Variants in CHSY3 observed in about 807,000 individuals in gnomAD.
The protein encoded by CHSY3 is chondroitin sulfate synthase 3.
Under a neutral mutation model 67.2 loss-of-function variants are expected in CHSY3, and 35 were observed. The ratio of observed to expected loss-of-function variants is 0.52; its 90% CI spans 0.40 to 0.69. The LOEUF is 0.69. CHSY3 is among the 30% of genes least tolerant of loss of function. CHSY3 has a pLI of 0.00. For missense variants in CHSY3, 1,069 were observed against 1,138.5 expected (o/e 0.94, Z 0.88); for synonymous variants, 474 against 434.7 (o/e 1.09, Z -1.12).
At chr5:130,130,238 G>A (rs1370769712) in intron 2 of CHSY3, among the ~76,000 whole-genome samples, 2 of 151,948 alleles carry the variant, frequency 1.3e-5, no homozygotes, top group Non-Finnish European at 2.9e-5. Flanking sequence ...TTTCTTCCCT[G>A]ACATCAGATG....
rs143556917 is a variant in CHSY3, at chr5:130,151,477, G to A, written c.1087-32752G>A. 9.8e-3 allele frequency among the ~76,000 whole-genome samples: 1,493 copies of A among 152,292 alleles called. 30 individuals are homozygous for A. Among genetic ancestry groups the A allele is most frequent in the African/African-American group, 0.034 (1,420 of 41,562 alleles). ...GCAAATAGTTATTGACTGTGTGCCA[G>A]GTGCTAATCTCAGTGCTGGGAACGT... On this transcript the variant is annotated intron_variant, in intron 2 of 2. Transcript: ENST00000305031.
At chr5:130,104,700 G>A (rs1445639853) in intron 2 of CHSY3, among the ~76,000 whole-genome samples, 1 of 151,686 alleles carries the variant, frequency 6.6e-6, no homozygotes, top group East Asian at 1.9e-4. Context: ...ACTTGTTAAT[G>A]TTTCGACTTG....
chr5:129,907,991 A>G lies in CHSY3; in HGVS notation c.803-86A>G, dbSNP rs1292258521. 9 of 1,511,064 alleles carry G rather than the reference A, an allele frequency of 6.0e-6. No individual in the cohort carries two copies. The East Asian group carries it at 6.9e-5, about 12-fold the overall frequency. The allele number at this position is 1,511,064 out of a possible 1,614,324, so 93.6% of individuals were successfully genotyped here. A position where few individuals can be genotyped will look rare whatever the true frequency, so the allele number is the denominator to read the frequency against. On this transcript the variant is annotated intron_variant, in intron 1 of 2. Transcript: ENST00000305031. ...TGTAAGACTGAGGATTTTAAGCACAATGTTGAAAGTTCTGTCCCTTACCTT... is the reference window on the plus strand; with the variant it reads ...TGTAAGACTGAGGATTTTAAGCACAGTGTTGAAAGTTCTGTCCCTTACCTT...
At chr5:130,103,748 T>G (rs1015516889) in intron 2 of CHSY3, among the ~76,000 whole-genome samples, 3 of 152,034 alleles carry the variant, frequency 2.0e-5, no homozygotes, top group Non-Finnish European at 2.9e-5. Flanking sequence ...TATATAAGTT[T>G]ACCTGAGAGC....
chr5:130,185,179 C>T lies in CHSY3; in HGVS notation c.2037C>T (p.Asn679=). The change falls in exon 3 of 3, where the codon AAC becomes AAT. Residue 679 remains asparagine, a synonymous_variant. Transcript: ENST00000305031. The part of the protein sequence containing the change: ...KHIELIKGYQ[N]KYPKAEMTLI... ...TTGAGCTGATAAAAGGGTACCAGAA[C>T]AAGTACCCCAAAGCAGAAATGACCC... 1 of 1,611,152 alleles carries T rather than the reference C, an allele frequency of 6.2e-7. No individual in the cohort carries two copies.
intron 2 of CHSY3, chr5:129,975,051 G>A (rs1309500693): frequency 3.9e-5 from 6 of 151,940 alleles, no homozygotes; most frequent in Non-Finnish European, 8.8e-5. Context: ...ACAGGAAGGG[G>A]AACATCACAC....
intron 2 of CHSY3, among the ~76,000 whole-genome samples, chr5:130,070,695 T>C (rs1172168006): frequency 1.3e-5 from 2 of 152,100 alleles, no homozygotes; most frequent in African/African-American, 2.4e-5. Flanking sequence ...TTTATTACAG[T>C]CATATAAAAA....
At chr5:129,976,913 C>CATATATATAT (rs5871372) in intron 2 of CHSY3, among the ~76,000 whole-genome samples, 209 of 146,548 alleles carry the variant, frequency 1.4e-3, no homozygotes, top group Non-Finnish European at 2.5e-3. Flanking sequence ...ATAGAGAAGA[C>CATATATATAT]ATATATATAT....
intron 2 of CHSY3, among the ~76,000 whole-genome samples, chr5:129,968,368 T>A (rs1762526004): frequency 6.6e-6 from 1 of 151,900 alleles, no homozygotes; most frequent in Admixed American, 6.6e-5. Context: ...TCCATCTAAT[T>A]GTTGCATTGA....
intron 2 of CHSY3, among the ~76,000 whole-genome samples, chr5:129,928,758 A>T (rs1048285355): frequency 6.6e-6 from 1 of 152,162 alleles, no homozygotes; most frequent in Middle Eastern, 3.2e-3. Flanking sequence ...TAAGCATAAA[A>T]TTGATTTATA....
Position 130,099,616 on chromosome 5 carries a change from A to G in CHSY3, c.1087-84613A>G, listed in dbSNP as rs541353144. ...ATAAGAGTCATTACCCATAAAAATGATATTCAGAATTTCATCTTTTCATTT... is the reference window on the plus strand; with the variant it reads ...ATAAGAGTCATTACCCATAAAAATGGTATTCAGAATTTCATCTTTTCATTT... On this transcript the variant is annotated intron_variant, in intron 2 of 2. Transcript: ENST00000305031. 3.3e-5 allele frequency among the ~76,000 whole-genome samples: 5 copies of G among 152,324 alleles called. No homozygotes were observed. In the South Asian group the frequency reaches 1.0e-3, roughly 32 times the overall value.
At chr5:130,122,802 C>T (rs1456804286) in intron 2 of CHSY3, among the ~76,000 whole-genome samples, 3 of 152,098 alleles carry the variant, frequency 2.0e-5, no homozygotes, top group African/African-American at 4.8e-5. Flanking sequence ...TGTTTTTCTT[C>T]GTGTCATTTA....
At chr5:130,055,879 TG>T (rs1285674790) in intron 2 of CHSY3, among the ~76,000 whole-genome samples, 1 of 152,102 alleles carries the variant, frequency 6.6e-6, no homozygotes, top group African/African-American at 2.4e-5. Flanking sequence ...GAATTGTCAT[TG>T]TGGCTACTGG....
chr5:130,091,140 A>ACG (rs57833866), intron 2 of CHSY3, among the ~76,000 whole-genome samples: 46 of 123,372 alleles, frequency 3.7e-4, no homozygotes, highest in Admixed American at 9.4e-4. Context: ...ACACACGCAC[A>ACG]CGCGCGCACA....
chr5:129,925,894 TG>T (rs1761093067), intron 2 of CHSY3, among the ~76,000 whole-genome samples: 1 of 41,414 alleles, frequency 2.4e-5, no homozygotes, highest in Admixed American at 2.8e-4. Flanking sequence ...TGTATATATG[TG>T]TGTGTGCATG....
At chr5:130,178,243 A>G (rs1474271240) in intron 2 of CHSY3, among the ~76,000 whole-genome samples, 1 of 68,374 alleles carries the variant, frequency 1.5e-5, no homozygotes, top group Non-Finnish European at 2.7e-5. Flanking sequence ...ATATATATAT[A>G]TATATATATA....
intron 2 of CHSY3, among the ~76,000 whole-genome samples, chr5:130,057,656 G>A (rs1454331242): frequency 3.3e-5 from 5 of 152,148 alleles, no homozygotes; most frequent in Admixed American, 2.6e-4. Context: ...GCCTATTAAT[G>A]TAAGTATAAA....
chr5:129,976,740 G>T (rs939673186), intron 2 of CHSY3, among the ~76,000 whole-genome samples: 5 of 151,778 alleles, frequency 3.3e-5, no homozygotes, highest in Admixed American at 1.3e-4. Flanking sequence ...TCATGATGAA[G>T]AAAACTCTAG....
intron 2 of CHSY3, among the ~76,000 whole-genome samples, chr5:129,921,381 A>T (rs780600455): frequency 5.3e-5 from 8 of 152,228 alleles, no homozygotes; most frequent in Non-Finnish European, 1.2e-4. Flanking sequence ...TAGCATCTAT[A>T]GCAGGGATCC....
Sources: gnomAD v4.1 joint callset for allele counts (sites outside exome capture counted in the v4.1 genomes callset) on GRCh38, gnomAD v4.1.1 for gene constraint, MANE v1.5 for transcripts, NCBI Gene and HGNC (gene_info 2026-07-23, HGNC 2026-07-21) for gene names.